Variants in PRKDC observed in about 807,000 individuals in gnomAD.
The protein encoded by PRKDC is protein kinase, DNA-activated, catalytic subunit.
A neutral mutation model predicts 486.9 loss-of-function variants in PRKDC; 82 were observed. The observed-to-expected ratio is 0.17, with a 90% confidence interval of 0.14 to 0.20. The LOEUF (loss-of-function observed/expected upper bound fraction) is 0.20. Ranked by LOEUF, PRKDC falls within the 10% of genes least tolerant of loss-of-function variation. The pLI, the probability that PRKDC is intolerant of heterozygous loss-of-function variation, is 1.00. For synonymous variants in PRKDC, 1,895 were observed against 1,837.0 expected, an observed-to-expected ratio of 1.03 and a Z score of -0.81; for missense variants, 4,504 against 5,038.2, an observed-to-expected ratio of 0.89 and a Z score of 3.21.
rs1185301958 is a variant in PRKDC, at chr8:47,840,003, A to G, written c.7454+13T>C. 3 of 1,521,610 alleles carry G rather than the reference A, an allele frequency of 2.0e-6. No individual in the cohort carries two copies. The highest frequency in any genetic ancestry group is 1.7e-4 in the Middle Eastern group (1 of 5,864). The allele number at this position is 1,521,610 out of a possible 1,614,324, so 94.3% of individuals were successfully genotyped here. A position where few individuals can be genotyped will look rare whatever the true frequency, so the allele number is the denominator to read the frequency against. On this transcript the variant is annotated intron_variant, in intron 55 of 85. Coordinates refer to ENST00000314191, the MANE Select transcript of PRKDC (RefSeq NM_006904.7). Reference sequence around the variant, plus strand: ...AAAAAGTAACAAAATAAAATAGTCAATGTATAGCTTACCTGTAATTATCAT... The same window carrying G: ...AAAAAGTAACAAAATAAAATAGTCAGTGTATAGCTTACCTGTAATTATCAT...
At chr8:47,830,762 A>T (rs375023974) in intron 60 of PRKDC, 26 bp from the exon 61 acceptor site, 71 of 1,613,610 alleles carry the variant, frequency 4.4e-5, no homozygotes, top group South Asian at 3.7e-4. Flanking sequence ...CCAAAGAAGA[A>T]GATGAGCATT....
intron 7 of PRKDC, among the ~76,000 whole-genome samples, chr8:47,949,502 C>T (rs962353091): frequency 1.3e-5 from 2 of 152,200 alleles, no homozygotes; most frequent in East Asian, 3.8e-4. Context: ...TACTATTTTC[C>T]TTCCACTATA....
At chr8:47,938,279 G>A (rs947200311) in intron 11 of PRKDC, among the ~76,000 whole-genome samples, 1 of 151,882 alleles carries the variant, frequency 6.6e-6, no homozygotes, top group Non-Finnish European at 1.5e-5. Flanking sequence ...AGGTGTGGTG[G>A]AGCATGCCTG....
intron 56 of PRKDC, among the ~76,000 whole-genome samples, chr8:47,838,517 G>A (rs1325011668): frequency 1.3e-5 from 2 of 151,780 alleles, no homozygotes; most frequent in Admixed American, 1.3e-4. Flanking sequence ...GAGGCTGAGG[G>A]AGGAGGATCA....
intron 54 of PRKDC, among the ~76,000 whole-genome samples, chr8:47,842,750 T>G (rs1000686514): frequency 1.3e-5 from 2 of 152,120 alleles, no homozygotes; most frequent in Non-Finnish European, 1.5e-5. Flanking sequence ...ATGGCTGAAA[T>G]GACAGAAATA....
rs1227340330 is a variant in PRKDC, at chr8:47,849,646, G to A, written c.7006-143C>T. 39 of 952,078 alleles carry A rather than the reference G, an allele frequency of 4.1e-5. No individual in the cohort carries two copies. In the East Asian group the frequency reaches 9.5e-4, roughly 23 times the overall value. The allele number at this position is 952,078 out of a possible 1,614,324, so 59.0% of individuals were successfully genotyped here. ...TACAAGGTAGATGATGGGACAGTAG[G>A]TGCTGGGGATGTCTGCTGGTCTACA... On this transcript the variant is annotated intron_variant, in intron 52 of 85. Transcript: ENST00000314191.
In PRKDC at chr8:47,798,036, C is replaced by T. The variant is rs3810899; in HGVS notation, c.10458+201G>A. On this transcript the variant is annotated intron_variant, in intron 73 of 85. Transcript: ENST00000314191. ...TTCAGACACAGTGTTTTTATCAACA[C>T]CCACAGAGGAAAATGGGTAAATGCG... 1.9e-4 allele frequency among the ~76,000 whole-genome samples: 29 copies of T among 152,310 alleles called. 1 individual carries two copies. In the East Asian group the frequency reaches 5.4e-3, roughly 28 times the overall value.
chr8:47,792,271 T>G (rs1036791897), intron 74 of PRKDC, among the ~76,000 whole-genome samples: 1 of 151,366 alleles, frequency 6.6e-6, no homozygotes, highest in Admixed American at 6.6e-5. Flanking sequence ...TTTTTTTTTT[T>G]TTGTTGAGAC....
At chr8:47,810,509 C>T (rs1333742663) in intron 68 of PRKDC, among the ~76,000 whole-genome samples, 1 of 152,074 alleles carries the variant, frequency 6.6e-6, no homozygotes, top group African/African-American at 2.4e-5. Context: ...AGATAAGAAG[C>T]GACTACTATA....
At chr8:47,957,589 C>G (rs2090727342) in intron 1 of PRKDC, among the ~76,000 whole-genome samples, 158 bp from the exon 2 acceptor site, 1 of 151,190 alleles carries the variant, frequency 6.6e-6, no homozygotes, top group South Asian at 2.2e-4. Context: ...CGGCTCACTG[C>G]AACCTCCGCC....
At chr8:47,845,206 G>A (rs778461571) in intron 54 of PRKDC, among the ~76,000 whole-genome samples, 10 of 151,886 alleles carry the variant, frequency 6.6e-5, no homozygotes, top group African/African-American at 9.7e-5. Flanking sequence ...TGGGCAACAC[G>A]GTGAGACTCC....
intron 5 of PRKDC, 44 bp from the exon 6 acceptor site, chr8:47,953,963 T>A: frequency 8.4e-7 from 1 of 1,184,980 alleles, no homozygotes; most frequent in African/African-American, 1.5e-5. Flanking sequence ...AAACTACATT[T>A]AAATAAGTTA....
At position 47,820,769 on chromosome 8, in the gene PRKDC, C is replaced by G. The variant is rs1422843906; in HGVS notation, c.9286G>C (p.Val3096Leu). 6.2e-7 allele frequency: 1 copy of G among 1,605,714 alleles called. No homozygotes were observed. Among genetic ancestry groups the G allele is most frequent in the South Asian group, 1.1e-5 (1 of 89,692 alleles). ...TGAATGTAATATTTGGCTCTGTCAA[C>G]ATCATCTTGCAGGAGGTAAAGCAGA... Reference protein sequence around the residue: ...LSLLYLLQDDVDRAKYYIQNG... With the variant: ...LSLLYLLQDDLDRAKYYIQNG... Residue 3096 changes from valine (V) to leucine (L), a missense_variant, in exon 66 of 86, where the codon GTT (valine) becomes CTT (leucine). Val to Leu is a conservative substitution (Grantham distance 32, BLOSUM62 1). Coordinates refer to ENST00000314191, the MANE Select transcript of PRKDC (RefSeq NM_006904.7).
rs1563780699 is a variant in PRKDC, at chr8:47,878,341, G to GA, written c.5236-491_5236-490insT. Among the ~76,000 whole-genome samples the GA allele has an allele frequency of 4.3e-3, 649 of 152,210 alleles. 3 individuals are homozygous for GA. The highest frequency in any genetic ancestry group is 0.014 in the African/African-American group (602 of 41,540). ...AGGATGGTCTCGATCTCCTGACCTG[G>GA]TGATCTGCCCTCCTCGGCCACCCAA... On this transcript the variant is annotated intron_variant, in intron 39 of 85. Transcript: ENST00000314191.
rs371148873 is a variant in PRKDC, at chr8:47,929,822, C to T, written c.2052+31G>A. The T allele has an allele frequency of 4.1e-5, 65 of 1,570,530 alleles. No homozygotes were observed. The African/African-American group carries it at 8.2e-4, about 20-fold the overall frequency. ...TATATACTCATGACCTAAAAAAACG[C>T]AAGATTCAACATCCTGCAAGAAAGA... On this transcript the variant is annotated intron_variant, in intron 18 of 85. Coordinates refer to ENST00000314191, the MANE Select transcript of PRKDC (RefSeq NM_006904.7).
At chr8:47,927,687 G>C in intron 20 of PRKDC, 84 bp downstream of exon 20, 2 of 1,391,110 alleles carry the variant, frequency 1.4e-6, no homozygotes, top group Non-Finnish European at 1.9e-6. Context: ...TGCTGGGACT[G>C]CCAGGGCAAG....
chr8:47,900,975 C>G (rs894615348), intron 27 of PRKDC, among the ~76,000 whole-genome samples: 3 of 151,654 alleles, frequency 2.0e-5, no homozygotes, highest in Admixed American at 2.0e-4. Flanking sequence ...AAGTGACACC[C>G]TGTCTCTACA....
At chr8:47,928,729 C>T (rs1263992809) in intron 19 of PRKDC, among the ~76,000 whole-genome samples, 1 of 151,794 alleles carries the variant, frequency 6.6e-6, no homozygotes, top group Non-Finnish European at 1.5e-5. Flanking sequence ...TGTCACCCAG[C>T]CTGGAGTACA....
chr8:47,831,143 C>T (rs1046655396), intron 60 of PRKDC, among the ~76,000 whole-genome samples: 6 of 152,154 alleles, frequency 3.9e-5, no homozygotes, highest in African/African-American at 7.2e-5. Flanking sequence ...AGCTCCCCTC[C>T]GAGGGGGCAA....
Sources: gnomAD v4.1 joint callset for allele counts (sites outside exome capture counted in the v4.1 genomes callset) on GRCh38, gnomAD v4.1.1 for gene constraint, MANE v1.5 for transcripts, NCBI Gene and HGNC (gene_info 2026-07-23, HGNC 2026-07-21) for gene names.